ZFP69: variants seen among roughly 807,000 people sequenced by gnomAD.
ZFP69 encodes ZFP69 zinc finger protein, also known as zinc finger protein 69 homolog.
A neutral mutation model predicts 48.9 loss-of-function variants in ZFP69; 35 were observed. That is an observed-to-expected ratio of 0.72 (90% CI 0.55 to 0.95). The LOEUF is 0.95. ZFP69 is among the 40% of genes least tolerant of loss of function. The pLI, the probability that ZFP69 is intolerant of heterozygous loss-of-function variation, is 0.00. For synonymous variants in ZFP69, 193 were observed against 216.8 expected, an observed-to-expected ratio of 0.89 and a Z score of 0.96; for missense variants, 557 against 638.4, an observed-to-expected ratio of 0.87 and a Z score of 1.37.
chr1:40,479,255 G>A lies in ZFP69; in HGVS notation c.-107G>A, dbSNP rs1645420041. 8 of 1,488,296 alleles carry A rather than the reference G, an allele frequency of 5.4e-6. No homozygotes were observed. The highest frequency in any genetic ancestry group is 5.6e-6 in the Non-Finnish European group (6 of 1,077,260). The allele number at this position is 1,488,296 out of a possible 1,614,324, so 92.2% of individuals were successfully genotyped here. A position where few individuals can be genotyped will look rare whatever the true frequency, so the allele number is the denominator to read the frequency against. The stretch of plus-strand genomic sequence containing the variant: ...TGCAGGGACACACCAGAGTCCTGAG[G>A]GCAGGTGATTGGAATCTGAGCAACA... On this transcript the variant is annotated 5_prime_UTR_variant, in exon 2 of 6. Transcript: ENST00000372706.
chr1:40,486,206 A>G (rs901842101), intron 3 of ZFP69, among the ~76,000 whole-genome samples: 11 of 152,064 alleles, frequency 7.2e-5, no homozygotes, highest in African/African-American at 2.7e-4. Flanking sequence ...GATTACAGGC[A>G]TGAGCCACTG....
chr1:40,494,255 A>ATTTTTTTTTTTTTTTT (rs1645598717), intron 5 of ZFP69, among the ~76,000 whole-genome samples: 3 of 123,854 alleles, frequency 2.4e-5, no homozygotes, highest in African/African-American at 6.3e-5. Context: ...AAAGATTCAA[A>ATTTTTTTTTTTTTTTT]ATTTTTTTTT....
In ZFP69 at chr1:40,479,204, C is replaced by G. The variant is rs746623997; in HGVS notation, c.-158C>G. On this transcript the variant is annotated 5_prime_UTR_variant, in exon 2 of 6. Coordinates refer to ENST00000372706, the MANE Select transcript of ZFP69 (RefSeq NM_001320179.2). The stretch of plus-strand genomic sequence containing the variant: ...CCAGAATTGTTAAAGTCACATCAGT[C>G]TCTAGGAACCCCCAGGTCCTGGTGC... The G allele has an allele frequency of 1.6e-4, 139 of 877,632 alleles. No homozygotes were observed. Among genetic ancestry groups the G allele is most frequent in the Non-Finnish European group, 2.3e-4 (132 of 566,312 alleles). The allele number at this position is 877,632 out of a possible 1,614,324, so 54.4% of individuals were successfully genotyped here.
chr1:40,478,122 T>TCACACACACACACACACACA lies in ZFP69; in HGVS notation c.-327+236_-327+255dup, dbSNP rs5773698. On this transcript the variant is annotated intron_variant, in intron 1 of 5. Coordinates refer to ENST00000372706, the MANE Select transcript of ZFP69 (RefSeq NM_001320179.2). Reference sequence around the variant, plus strand: ...ACGCAGCTCCTGTCTCTGCATATAGTCACACACACACACACACACACACAC... The same window carrying TCACACACACACACACACACA: ...ACGCAGCTCCTGTCTCTGCATATAGTCACACACACACACACACACACACACACACACACACACACACACAC... 1.3e-3 allele frequency among the ~76,000 whole-genome samples: 190 copies of TCACACACACACACACACACA among 147,248 alleles called. 2 individuals are homozygous for TCACACACACACACACACACA. The highest frequency in any genetic ancestry group is 3.6e-3 in the African/African-American group (145 of 40,042).
intron 5 of ZFP69, chr1:40,491,124 T>TTCTC (rs1406162150): frequency 6.6e-6 from 1 of 152,238 alleles, no homozygotes. Flanking sequence ...GTTTTGCATG[T>TTCTC]TCTCTTTCTT....
At chr1:40,493,859 A>C (rs919749318) in intron 5 of ZFP69, among the ~76,000 whole-genome samples, 1 of 152,226 alleles carries the variant, frequency 6.6e-6, no homozygotes. Flanking sequence ...ATGGTGCAAC[A>C]AATTTATCAA....
chr1:40,495,632 G>C lies in ZFP69; in HGVS notation c.1154G>C (p.Cys385Ser), dbSNP rs1159032879. ...CATTCTGGAGAGAAACCTTTTACTTGCAATGAATGTGGGAAAACCTTTAGA... is the reference window on the plus strand; with the variant it reads ...CATTCTGGAGAGAAACCTTTTACTTCCAATGAATGTGGGAAAACCTTTAGA... ...RTHSGEKPFTCNECGKTFRQI... is the reference protein window; with the variant it reads ...RTHSGEKPFTSNECGKTFRQI... The change falls in exon 6 of 6, where the codon TGC (cysteine) becomes TCC (serine). Residue 385 changes from cysteine (C) to serine (S), a missense_variant. Coordinates refer to ENST00000372706, the MANE Select transcript of ZFP69 (RefSeq NM_001320179.2). 6.2e-7 allele frequency: 1 copy of C among 1,614,108 alleles called. No homozygotes were observed. The highest frequency in any genetic ancestry group is 8.5e-7 in the Non-Finnish European group (1 of 1,180,052).
At chr1:40,491,999 C>T (rs180805043) in intron 5 of ZFP69, among the ~76,000 whole-genome samples, 1 of 151,948 alleles carries the variant, frequency 6.6e-6, no homozygotes, top group East Asian at 1.9e-4. Context: ...TTAAGAAACC[C>T]TTTTATGCCT....
chr1:40,489,623 A>G lies in ZFP69; in HGVS notation c.441A>G (p.Ser147=), dbSNP rs769956024. 2.5e-6 allele frequency: 4 copies of G among 1,606,832 alleles called. No homozygotes were observed. The Admixed American group carries it at 6.9e-5, about 28-fold the overall frequency. Residue 147 remains serine, a splice_region_variant and synonymous_variant, in exon 5 of 6, where the codon TCA becomes TCG. Transcript: ENST00000372706. ...AAGAAGGCCCAGGAGATCCCAGTTC[A>G]GGTGAGACCAAGTGTGTTAGTCTGT... ...AEKEGPGDPS[S]DLKSKIETIE...
chr1:40,483,015 A>G (rs1645457934), intron 3 of ZFP69, among the ~76,000 whole-genome samples: 1 of 152,170 alleles, frequency 6.6e-6, no homozygotes, highest in Non-Finnish European at 1.5e-5. Context: ...TACGTCTAAC[A>G]ACTACAGAAC....
At chr1:40,494,221 C>T (rs1393789284) in intron 5 of ZFP69, among the ~76,000 whole-genome samples, 1 of 139,196 alleles carries the variant, frequency 7.2e-6, no homozygotes, top group Non-Finnish European at 1.6e-5. Flanking sequence ...AATTTTATTA[C>T]TTAGTATTAT....
Position 40,479,251 on chromosome 1 carries a change from T to C in ZFP69, c.-111T>C. The C allele has an allele frequency of 6.8e-7, 1 of 1,470,168 alleles. No individual in the cohort carries two copies. Among genetic ancestry groups the C allele is most frequent in the Non-Finnish European group, 9.4e-7 (1 of 1,062,024 alleles). 91.1% of individuals were successfully genotyped at this position (1,470,168 alleles called of 1,614,324 possible). A position where few individuals can be genotyped will look rare whatever the true frequency, so the allele number is the denominator to read the frequency against. On this transcript the variant is annotated 5_prime_UTR_variant, in exon 2 of 6. Coordinates refer to ENST00000372706, the MANE Select transcript of ZFP69 (RefSeq NM_001320179.2). ...GTGCTGCAGGGACACACCAGAGTCC[T>C]GAGGGCAGGTGATTGGAATCTGAGC... is the stretch of plus-strand genomic sequence containing the variant.
intron 5 of ZFP69, among the ~76,000 whole-genome samples, chr1:40,492,439 G>A (rs1157542023): frequency 2.0e-5 from 3 of 151,966 alleles, no homozygotes; most frequent in Non-Finnish European, 2.9e-5. Flanking sequence ...TTTCTGTCGT[G>A]TTTCTCTCTT....
chr1:40,489,866 C>CTTTTTTTTTT (rs374820239), intron 5 of ZFP69, among the ~76,000 whole-genome samples: 1 of 115,434 alleles, frequency 8.7e-6, no homozygotes, highest in African/African-American at 3.4e-5. Context: ...TTTTCTTTTT[C>CTTTTTTTTTT]TTTTTTTTTT....
chr1:40,488,694 G>C (rs1020943866), intron 3 of ZFP69, among the ~76,000 whole-genome samples: 1 of 152,100 alleles, frequency 6.6e-6, no homozygotes, highest in Non-Finnish European at 1.5e-5. Context: ...ATTTCCATGT[G>C]GTTCTTCCCT....
At chr1:40,487,655 G>A (rs544406033) in intron 3 of ZFP69, among the ~76,000 whole-genome samples, 4 of 152,224 alleles carry the variant, frequency 2.6e-5, no homozygotes, top group East Asian at 1.9e-4. Flanking sequence ...ATTGTAGTGC[G>A]CTCAGGTGTT....
chr1:40,478,568 A>T (rs1288023205), intron 1 of ZFP69, among the ~76,000 whole-genome samples: 1 of 152,170 alleles, frequency 6.6e-6, no homozygotes, highest in Non-Finnish European at 1.5e-5. Flanking sequence ...TTAAATTCAG[A>T]TTTAATGGTT....
chr1:40,485,463 A>G (rs1222000553), intron 3 of ZFP69, among the ~76,000 whole-genome samples: 1 of 152,144 alleles, frequency 6.6e-6, no homozygotes, highest in Non-Finnish European at 1.5e-5. Flanking sequence ...AAAACACCAC[A>G]GTATATTGTT....
chr1:40,486,466 C>T (rs1308920855), intron 3 of ZFP69, among the ~76,000 whole-genome samples: 4 of 107,082 alleles, frequency 3.7e-5, no homozygotes, highest in African/African-American at 6.5e-5. Context: ...TCCCTCCCTC[C>T]CTCCTTTCTT....
Sources: allele counts gnomAD v4.1 joint callset (sites outside exome capture counted in the v4.1 genomes callset), GRCh38; gene constraint gnomAD v4.1.1; transcripts MANE v1.5; gene names NCBI Gene and HGNC (gene_info 2026-07-23, HGNC 2026-07-21).